Variants in UBR1 observed in about 807,000 individuals in gnomAD.
The protein encoded by UBR1 is E3 ubiquitin-protein ligase UBR1.
In UBR1, 102 loss-of-function variants were observed where a neutral mutation model predicts 242.1. The observed-to-expected ratio is 0.42, with a 90% CI of 0.36 to 0.50. UBR1 has a LOEUF of 0.50. UBR1 is among the 20% of genes least tolerant of loss of function. UBR1 has a pLI of 0.01. For missense variants in UBR1, 1,772 were observed against 2,101.8 expected, an observed-to-expected ratio of 0.84 and a Z score of 3.07; for synonymous variants, 675 against 684.8, an observed-to-expected ratio of 0.99 and a Z score of 0.22.
intron 29 of UBR1, among the ~76,000 whole-genome samples, chr15:43,014,593 C>A (rs1466354024): frequency 1.3e-5 from 2 of 149,798 alleles, no homozygotes; most frequent in Non-Finnish European, 3.0e-5. Flanking sequence ...AGGTGAGGAG[C>A]GTCTCTGCCC....
intron 1 of UBR1, among the ~76,000 whole-genome samples, chr15:43,094,049 T>C (rs180848305): frequency 2.0e-5 from 3 of 152,258 alleles, no homozygotes; most frequent in Non-Finnish European, 2.9e-5. Context: ...CCAACTTGAT[T>C]ACCCTTATGA....
chr15:43,069,622 C>T (rs1182353291), intron 5 of UBR1, among the ~76,000 whole-genome samples: 1 of 152,164 alleles, frequency 6.6e-6, no homozygotes, highest in Non-Finnish European at 1.5e-5. Flanking sequence ...ACAATACGCT[C>T]AATTGATCCT....
At chr15:42,974,394 A>G (rs1025829051) in intron 39 of UBR1, among the ~76,000 whole-genome samples, 1 of 152,118 alleles carries the variant, frequency 6.6e-6, no homozygotes, top group Non-Finnish European at 1.5e-5. Context: ...ATGTGGATCT[A>G]TATCTGGGCT....
chr15:43,055,985 T>C (rs2033614155), intron 11 of UBR1, among the ~76,000 whole-genome samples: 1 of 152,188 alleles, frequency 6.6e-6, no homozygotes, highest in Admixed American at 6.5e-5. Flanking sequence ...CTCCCAGGCC[T>C]ATGCAGCACC....
intron 41 of UBR1, 131 bp downstream of exon 41, chr15:42,966,022 G>A (rs934096494): frequency 3.7e-6 from 5 of 1,345,382 alleles, no homozygotes; most frequent in Non-Finnish European, 5.2e-6. Context: ...CATGTTTGAA[G>A]GGAACACACA....
At chr15:43,077,627 A>ACACCCAAG (rs1461984816) in intron 3 of UBR1, among the ~76,000 whole-genome samples, 2 of 150,584 alleles carry the variant, frequency 1.3e-5, no homozygotes, top group African/African-American at 4.9e-5. Context: ...TCTGGGAGAA[A>ACACCCAAG]CACCCAAGAA....
chr15:43,041,477 C>A (rs533038998), intron 15 of UBR1, among the ~76,000 whole-genome samples: 3 of 151,838 alleles, frequency 2.0e-5, no homozygotes, highest in African/African-American at 4.8e-5. Flanking sequence ...TGTATAGGGA[C>A]CCCCCTATAC....
chr15:43,043,129 A>G, intron 15 of UBR1, 86 bp downstream of exon 15: 1 of 1,499,092 alleles, frequency 6.7e-7, no homozygotes, highest in South Asian at 1.2e-5. Context: ...TATTGAGCAC[A>G]GAACAAAAAT....
Position 43,059,836 on chromosome 15 carries a change from A to G in UBR1, c.862-11T>C. 1 of 1,613,812 alleles carries G rather than the reference A, an allele frequency of 6.2e-7. No individual in the cohort carries two copies. The highest frequency in any genetic ancestry group is 1.1e-5 in the South Asian group (1 of 91,072). ...ATTTTCTGAATGACTCTACAAATGA[A>G]GGGAACGAACCAAAAAAATAGCATT... On this transcript the variant is annotated splice_polypyrimidine_tract_variant and intron_variant, in intron 7 of 46. Coordinates refer to ENST00000290650, the MANE Select transcript of UBR1 (RefSeq NM_174916.3).
intron 1 of UBR1, among the ~76,000 whole-genome samples, chr15:43,093,756 A>C (rs537026518): frequency 6.8e-6 from 1 of 146,416 alleles, no homozygotes; most frequent in South Asian, 2.2e-4. Flanking sequence ...ACCGCACTTC[A>C]TTCAGCCTGG....
At chr15:42,945,765 A>C (rs1474224568) in intron 46 of UBR1, among the ~76,000 whole-genome samples, 2 of 152,158 alleles carry the variant, frequency 1.3e-5, no homozygotes, top group Non-Finnish European at 2.9e-5. Flanking sequence ...AAGCAGCACT[A>C]TTCTTTTTTG....
intron 35 of UBR1, among the ~76,000 whole-genome samples, chr15:42,986,959 G>A (rs2032471084): frequency 6.6e-6 from 1 of 152,220 alleles, no homozygotes; most frequent in South Asian, 2.1e-4. Flanking sequence ...CTCTGACAGG[G>A]AGCAGCAGGA....
At chr15:43,048,360 TC>T (rs763599386) in intron 13 of UBR1, 31 bp downstream of exon 13, 3 of 1,533,790 alleles carry the variant, frequency 2.0e-6, no homozygotes, top group South Asian at 1.2e-5. Flanking sequence ...AAAATAAATT[TC>T]TTTTACTGAT....
chr15:43,021,589 A>G (rs1415759530), intron 26 of UBR1, among the ~76,000 whole-genome samples: 3 of 152,212 alleles, frequency 2.0e-5, no homozygotes, highest in Non-Finnish European at 4.4e-5. Flanking sequence ...TACAATGTAA[A>G]TGCTATGTAA....
chr15:43,017,932 A>T (rs2033051868), intron 27 of UBR1, among the ~76,000 whole-genome samples: 1 of 151,788 alleles, frequency 6.6e-6, no homozygotes, highest in Non-Finnish European at 1.5e-5. Context: ...CTTACCATAC[A>T]TACTGTTTCA....
intron 29 of UBR1, among the ~76,000 whole-genome samples, chr15:43,011,288 A>C (rs2032920120): frequency 6.6e-6 from 1 of 152,214 alleles, no homozygotes; most frequent in Admixed American, 6.5e-5. Context: ...AAACTCTAAA[A>C]GACTGATAAA....
intron 40 of UBR1, among the ~76,000 whole-genome samples, chr15:42,968,628 C>G (rs1039842525): frequency 1.3e-5 from 2 of 152,010 alleles, no homozygotes; most frequent in African/African-American, 4.8e-5. Context: ...CCCAGCAACC[C>G]GTCATCTACA....
intron 19 of UBR1, among the ~76,000 whole-genome samples, chr15:43,033,729 T>G (rs1567132247): frequency 6.6e-6 from 1 of 152,208 alleles, no homozygotes; most frequent in African/African-American, 2.4e-5. Context: ...AACTTCTAAT[T>G]TGAAAGAATA....
At chr15:42,977,309 T>G (rs1024042961) in intron 38 of UBR1, among the ~76,000 whole-genome samples, 3 of 152,102 alleles carry the variant, frequency 2.0e-5, no homozygotes, top group Non-Finnish European at 4.4e-5. Flanking sequence ...GCCTAGATAA[T>G]GAGGGGGATG....
Sources: allele counts gnomAD v4.1 joint callset (sites outside exome capture counted in the v4.1 genomes callset), GRCh38; gene constraint gnomAD v4.1.1; transcripts MANE v1.5; gene names NCBI Gene and HGNC (gene_info 2026-07-23, HGNC 2026-07-21).